The following PPP1R12A variants were observed in gnomAD, a reference collection of about 807,000 sequenced individuals.
PPP1R12A encodes the protein myosin binding subunit.
Under a neutral mutation model 139.6 loss-of-function variants are expected in PPP1R12A, and 19 were observed. The observed-to-expected ratio is 0.14, with a 90% CI of 0.09 to 0.20. The LOEUF (loss-of-function observed/expected upper bound fraction) is 0.20, where lower values mean the gene tolerates loss of function less well. Among genes scored for constraint, PPP1R12A ranks in the 10% least tolerant of loss-of-function variants. The pLI is 1.00. For missense variants in PPP1R12A, 925 were observed against 1,211.5 expected, an observed-to-expected ratio of 0.76 and a Z score of 3.51; for synonymous variants, 427 against 420.6, an observed-to-expected ratio of 1.02 and a Z score of -0.19.
intron 24 of PPP1R12A, chr12:79,777,106 G>C (rs1869821270): frequency 4.0e-5 from 35 of 879,576 alleles, no homozygotes; most frequent in Non-Finnish European, 4.6e-5. Context: ...GACTTCAAAT[G>C]ACATTATTTT....
At chr12:79,926,426 G>A (rs1228968796) in intron 1 of PPP1R12A, among the ~76,000 whole-genome samples, 3 of 152,068 alleles carry the variant, frequency 2.0e-5, no homozygotes, top group African/African-American at 7.2e-5. Flanking sequence ...CCTGAGCTCA[G>A]GTGATCCGCC....
chr12:79,886,508 A>T (rs1329841667), intron 1 of PPP1R12A, among the ~76,000 whole-genome samples: 1 of 152,148 alleles, frequency 6.6e-6, no homozygotes, highest in Non-Finnish European at 1.5e-5. Context: ...TAGAACAAGA[A>T]ATCCAAAACA....
intron 20 of PPP1R12A, chr12:79,789,610 A>G (rs1163309282): frequency 9.0e-6 from 4 of 445,734 alleles, no homozygotes; most frequent in Non-Finnish European, 1.8e-5. Flanking sequence ...TTTCTGAAAG[A>G]TGCCATTGGC....
chr12:79,859,489 C>T (rs1012913776), intron 2 of PPP1R12A, among the ~76,000 whole-genome samples: 4 of 151,796 alleles, frequency 2.6e-5, no homozygotes, highest in Admixed American at 2.6e-4. Flanking sequence ...AAAATAAAGG[C>T]TATAATGCAG....
intron 11 of PPP1R12A, among the ~76,000 whole-genome samples, chr12:79,807,767 C>T (rs1874024927): frequency 6.6e-6 from 1 of 152,000 alleles, no homozygotes; most frequent in African/African-American, 2.4e-5. Flanking sequence ...TGGCCGGGTG[C>T]AGTGGTTCAC....
chr12:79,919,795 G>A (rs1344589844), intron 1 of PPP1R12A, among the ~76,000 whole-genome samples: 4 of 152,116 alleles, frequency 2.6e-5, no homozygotes, highest in African/African-American at 9.7e-5. Flanking sequence ...GAGGCTGGGG[G>A]ACTGATAGAA....
Position 79,797,388 on chromosome 12 carries a change from G to A in PPP1R12A, c.2099C>T (p.Thr700Ile). The change falls in exon 16 of 25, where the codon ACA (threonine) becomes ATA (isoleucine). Residue 700 changes from threonine (T) to isoleucine (I), a missense_variant. This residue lies in a region of PPP1R12A where 8 missense variants were observed against 32.0 expected (regional missense o/e 0.25). Transcript: ENST00000450142. ...CTCAGCTTCTTGAAGATCAGTTAAT[G>A]TCACTCCCTGCACACACAAAAAGAT... ...RQSRRSTQGV[T>I]LTDLQEAEKT... 1.9e-6 allele frequency: 3 copies of A among 1,596,790 alleles called. No individual in the cohort carries two copies. The highest frequency in any genetic ancestry group is 2.6e-6 in the Non-Finnish European group (3 of 1,172,348).
intron 11 of PPP1R12A, among the ~76,000 whole-genome samples, chr12:79,807,842 GC>G (rs1874038604): frequency 6.6e-6 from 1 of 151,854 alleles, no homozygotes; most frequent in Non-Finnish European, 1.5e-5. Context: ...TTCAAGACCA[GC>G]CTGGCCAAGA....
intron 2 of PPP1R12A, among the ~76,000 whole-genome samples, chr12:79,864,334 A>C (rs1881718409): frequency 6.6e-6 from 1 of 152,240 alleles, no homozygotes; most frequent in African/African-American, 2.4e-5. Flanking sequence ...GGACACATTT[A>C]AAGCAGTGTA....
intron 2 of PPP1R12A, among the ~76,000 whole-genome samples, chr12:79,869,903 C>CTAT (rs200825139): frequency 0.039 from 5,703 of 145,388 alleles, 157 homozygotes; most frequent in South Asian, 0.044. Context: ...ACTATTGTCT[C>CTAT]TATTATTATT....
At chr12:79,929,802 A>G (rs1888115755) in intron 1 of PPP1R12A, among the ~76,000 whole-genome samples, 1 of 152,074 alleles carries the variant, frequency 6.6e-6, no homozygotes, top group Non-Finnish European at 1.5e-5. Flanking sequence ...AAATCTCAAG[A>G]TATTAAAATA....
At chr12:79,880,502 A>AT (rs1223392732) in intron 1 of PPP1R12A, among the ~76,000 whole-genome samples, 2 of 152,208 alleles carry the variant, frequency 1.3e-5, no homozygotes, top group African/African-American at 4.8e-5. Flanking sequence ...ACTACAGATG[A>AT]TTTTCAACCT....
chr12:79,900,228 G>A (rs1049836795), intron 1 of PPP1R12A, among the ~76,000 whole-genome samples: 3 of 152,132 alleles, frequency 2.0e-5, no homozygotes, highest in Admixed American at 6.5e-5. Flanking sequence ...GTTAGCAATG[G>A]CCCTCCAATT....
chr12:79,895,478 C>T (rs1885048982), intron 1 of PPP1R12A, among the ~76,000 whole-genome samples: 2 of 151,900 alleles, frequency 1.3e-5, no homozygotes, highest in Admixed American at 1.3e-4. Flanking sequence ...TTTTTAAGTA[C>T]TATAGAACCA....
intron 22 of PPP1R12A, 40 bp downstream of exon 22, chr12:79,786,334 A>G: frequency 7.9e-7 from 1 of 1,260,192 alleles, no homozygotes. Context: ...ATAAATCACA[A>G]CCATTACCTT....
chr12:79,881,397 G>A (rs1483783513), intron 1 of PPP1R12A, among the ~76,000 whole-genome samples: 1 of 152,192 alleles, frequency 6.6e-6, no homozygotes, highest in Non-Finnish European at 1.5e-5. Flanking sequence ...CAGACATGGA[G>A]AAAGTGTTAG....
chr12:79,888,268 G>C (rs754502532), intron 1 of PPP1R12A, among the ~76,000 whole-genome samples: 1 of 152,156 alleles, frequency 6.6e-6, no homozygotes, highest in South Asian at 2.1e-4. Flanking sequence ...ATTTGGGGGA[G>C]AGGAGAAATC....
chr12:79,825,967 T>G (rs1413645170), intron 5 of PPP1R12A, among the ~76,000 whole-genome samples: 1 of 152,060 alleles, frequency 6.6e-6, no homozygotes, highest in Non-Finnish European at 1.5e-5. Context: ...TTGGATATAT[T>G]TATGGCACAA....
chr12:79,905,326 G>A lies in PPP1R12A; in HGVS notation c.237+29369C>T, dbSNP rs113581717. On this transcript the variant is annotated intron_variant, in intron 1 of 24. Coordinates refer to ENST00000450142, the MANE Select transcript of PPP1R12A (RefSeq NM_002480.3). ...TTGTTCAAATATCCTATTCTAGAAT[G>A]TTTTGTTTTGCCGCCCCCCCCCACC... Among the ~76,000 whole-genome samples the A allele has an allele frequency of 2.0e-3, 261 of 129,574 alleles. 2 individuals carry two copies. Among genetic ancestry groups the A allele is most frequent in the African/African-American group, 6.6e-3 (251 of 38,232 alleles). The allele number at this position is 129,574 out of a possible 152,430, so 85.0% of individuals were successfully genotyped here.
Sources: gnomAD v4.1 joint callset for allele counts (sites outside exome capture counted in the v4.1 genomes callset) on GRCh38, gnomAD v4.1.1 for gene constraint, gnomAD v4.1.1 regional missense constraint, MANE v1.5 for transcripts, NCBI Gene and HGNC (gene_info 2026-07-23, HGNC 2026-07-21) for gene names.